Variants in NSMCE2 observed in about 807,000 individuals in gnomAD.
NSMCE2 encodes the protein E3 SUMO-protein ligase NSE2.
NSMCE2 carries 24 observed loss-of-function variants against 23.8 expected under a neutral mutation model. The ratio of observed to expected loss-of-function variants is 1.01; its 90% confidence interval spans 0.73 to 1.42. The LOEUF is 1.42. Among genes scored for constraint, NSMCE2 ranks in the 40% most tolerant of loss-of-function variants. The pLI, the probability that NSMCE2 is intolerant of heterozygous loss-of-function variation, is 0.00. For synonymous variants in NSMCE2, 92 were observed against 94.1 expected (o/e 0.98, Z 0.13); for missense variants, 284 against 296.5 (o/e 0.96, Z 0.31).
intron 1 of NSMCE2, 46 bp from the exon 2 acceptor site, chr8:125,102,005 A>G (rs182220969): frequency 5.3e-6 from 1 of 189,798 alleles, no homozygotes; most frequent in Admixed American, 5.7e-5. Flanking sequence ...TAACCCATTT[A>G]TCTTGTAGGC....
intron 3 of NSMCE2, among the ~76,000 whole-genome samples, chr8:125,107,352 C>G (rs1818514430): frequency 1.3e-5 from 2 of 151,954 alleles, no homozygotes; most frequent in South Asian, 4.2e-4. Context: ...CACCACCATG[C>G]CCGGCTAATT....
intron 5 of NSMCE2, among the ~76,000 whole-genome samples, chr8:125,341,897 GAAAAAAAA>G (rs61204647): frequency 9.6e-5 from 8 of 83,240 alleles, no homozygotes; most frequent in African/African-American, 1.3e-4. Flanking sequence ...TCTAGAAATG[GAAAAAAAA>G]AAAAAAAAAA....
At chr8:125,200,570 T>A (rs916897080) in intron 5 of NSMCE2, among the ~76,000 whole-genome samples, 3 of 149,626 alleles carry the variant, frequency 2.0e-5, no homozygotes, top group Admixed American at 6.6e-5. Flanking sequence ...CTTCCCTTTG[T>A]GGGTAACCTG....
At position 125,366,997 on chromosome 8, in the gene NSMCE2, G is replaced by T. The variant is rs1022428228; in HGVS notation, c.*112G>T. The T allele has an allele frequency of 4.7e-6, 3 of 644,702 alleles. No homozygotes were observed. The South Asian group carries it at 6.2e-5, about 13-fold the overall frequency. The allele number at this position is 644,702 out of a possible 1,614,324, so 39.9% of individuals were successfully genotyped here. A position where few individuals can be genotyped will look rare whatever the true frequency, so the allele number is the denominator to read the frequency against. ...GACTGGCTGCATAGCATACTTGTTG[G>T]GGGTAAAACTTGTTGCTTTTATGTG... is the stretch of plus-strand genomic sequence containing the variant. On this transcript the variant is annotated 3_prime_UTR_variant, in exon 8 of 8. Transcript: ENST00000287437.
intron 3 of NSMCE2, among the ~76,000 whole-genome samples, chr8:125,103,834 T>G (rs1162990680): frequency 6.6e-6 from 1 of 152,152 alleles, no homozygotes; most frequent in Non-Finnish European, 1.5e-5. Flanking sequence ...GTAGAATCTT[T>G]TTTTTTAGTC....
intron 5 of NSMCE2, among the ~76,000 whole-genome samples, chr8:125,272,400 T>C (rs540553661): frequency 2.6e-5 from 4 of 151,406 alleles, no homozygotes; most frequent in African/African-American, 9.7e-5. Flanking sequence ...CACTTACTTA[T>C]TCAAAAATCT....
intron 5 of NSMCE2, among the ~76,000 whole-genome samples, chr8:125,263,270 G>A (rs1385257757): frequency 2.0e-5 from 3 of 152,082 alleles, no homozygotes; most frequent in Admixed American, 1.3e-4. Context: ...CATTTCCCAG[G>A]GATCTATGTA....
At position 125,194,755 on chromosome 8, in the gene NSMCE2, G is replaced by A. The variant is rs112723597; in HGVS notation, c.418+12499G>A. ...TGGACAAACTGTTTTTCAATGTGCA[G>A]TCTATGAGAATTGCACCCTCACCAG... On this transcript the variant is annotated intron_variant, in intron 5 of 7. Coordinates refer to ENST00000287437, the MANE Select transcript of NSMCE2 (RefSeq NM_173685.4). 6.6e-3 allele frequency among the ~76,000 whole-genome samples: 1,001 copies of A among 152,186 alleles called. 20 individuals carry two copies. Among genetic ancestry groups the A allele is most frequent in the African/African-American group, 0.023 (955 of 41,526 alleles).
intron 3 of NSMCE2, among the ~76,000 whole-genome samples, chr8:125,123,466 A>G (rs1819364220): frequency 6.6e-6 from 1 of 152,268 alleles, no homozygotes; most frequent in African/African-American, 2.4e-5. Flanking sequence ...TATGAAAATG[A>G]AGGAGACACT....
chr8:125,303,527 G>C (rs78900023), intron 5 of NSMCE2, among the ~76,000 whole-genome samples: 1 of 152,080 alleles, frequency 6.6e-6, no homozygotes, highest in Non-Finnish European at 1.5e-5. Context: ...TATTTTGTGC[G>C]AAGTATAATA....
intron 1 of NSMCE2, among the ~76,000 whole-genome samples, chr8:125,093,552 A>G (rs1817779967): frequency 6.6e-6 from 1 of 151,760 alleles, no homozygotes; most frequent in Non-Finnish European, 1.5e-5. Flanking sequence ...AAATAAATAA[A>G]TAAATAAGTA....
chr8:125,127,654 A>G (rs1819578693), intron 3 of NSMCE2, among the ~76,000 whole-genome samples: 1 of 152,120 alleles, frequency 6.6e-6, no homozygotes. Context: ...ATTACCCTGT[A>G]TCTGCCTTAT....
At chr8:125,121,373 C>G (rs1482990069) in intron 3 of NSMCE2, among the ~76,000 whole-genome samples, 1 of 152,222 alleles carries the variant, frequency 6.6e-6, no homozygotes, top group African/African-American at 2.4e-5. Flanking sequence ...AATACTGATT[C>G]AAACATTTAT....
intron 5 of NSMCE2, among the ~76,000 whole-genome samples, chr8:125,337,211 T>A (rs1443601441): frequency 1.3e-5 from 2 of 152,236 alleles, no homozygotes; most frequent in Middle Eastern, 3.2e-3. Flanking sequence ...AGAAGTCTGT[T>A]TCCTCTCACT....
At chr8:125,147,255 T>G (rs1186585002) in intron 3 of NSMCE2, among the ~76,000 whole-genome samples, 1 of 152,230 alleles carries the variant, frequency 6.6e-6, no homozygotes, top group Admixed American at 6.5e-5. Context: ...ATATGTCCTC[T>G]TTTATGTTCT....
chr8:125,269,497 C>T (rs773137707), intron 5 of NSMCE2, among the ~76,000 whole-genome samples: 2 of 152,144 alleles, frequency 1.3e-5, no homozygotes, highest in African/African-American at 2.4e-5. Context: ...AAATGACACT[C>T]CTCTGTATTC....
chr8:125,224,959 G>A (rs2130927448), intron 5 of NSMCE2, among the ~76,000 whole-genome samples: 2 of 152,318 alleles, frequency 1.3e-5, no homozygotes, highest in Middle Eastern at 6.8e-3. Context: ...AGTCAGTACA[G>A]CAATGATAAT....
intron 5 of NSMCE2, among the ~76,000 whole-genome samples, chr8:125,255,991 G>C (rs1466555602): frequency 1.3e-5 from 2 of 152,076 alleles, no homozygotes; most frequent in East Asian, 3.9e-4. Flanking sequence ...AGGGTAAAAA[G>C]AATACTAACT....
intron 5 of NSMCE2, among the ~76,000 whole-genome samples, chr8:125,202,162 T>TG (rs1464674451): frequency 2.6e-5 from 4 of 152,234 alleles, no homozygotes; most frequent in Admixed American, 2.6e-4. Flanking sequence ...TCTGGCCCCT[T>TG]GCGCTTCCTT....
Sources: allele counts gnomAD v4.1 joint callset (sites outside exome capture counted in the v4.1 genomes callset), GRCh38; gene constraint gnomAD v4.1.1; transcripts MANE v1.5; gene names NCBI Gene and HGNC (gene_info 2026-07-23, HGNC 2026-07-21).